The following PRMT8 variants were observed in gnomAD, a reference collection of about 807,000 sequenced individuals.
PRMT8 encodes protein arginine N-methyltransferase 8.
PRMT8 carries 7 observed loss-of-function variants against 47.1 expected under a neutral mutation model. The observed-to-expected ratio is 0.15, with a 90% CI of 0.08 to 0.28. PRMT8 has a LOEUF of 0.28. PRMT8 is among the 10% of genes least tolerant of loss of function. PRMT8 has a pLI of 1.00. For missense variants in PRMT8, 237 were observed against 505.4 expected, an observed-to-expected ratio of 0.47 and a Z score of 5.09; for synonymous variants, 188 against 186.5, an observed-to-expected ratio of 1.01 and a Z score of -0.07.
At chr12:3,408,145 C>G (rs769656505) in intron 1 of PRMT8, among the ~76,000 whole-genome samples, 6 of 150,760 alleles carry the variant, frequency 4.0e-5, no homozygotes, top group Non-Finnish European at 8.9e-5. Flanking sequence ...CTCTCCCTCC[C>G]TCTCTTTCTC....
chr12:3,589,596 C>A (rs193262401), intron 8 of PRMT8, among the ~76,000 whole-genome samples: 1 of 152,306 alleles, frequency 6.6e-6, no homozygotes, highest in African/African-American at 2.4e-5. Context: ...GACTTTTACT[C>A]AGCTTCTCCT....
chr12:3,395,866 T>C (rs1210919816), intron 1 of PRMT8, among the ~76,000 whole-genome samples: 1 of 152,146 alleles, frequency 6.6e-6, no homozygotes, highest in East Asian at 1.9e-4. Flanking sequence ...TGTAGGTCAC[T>C]CAGGACTTGC....
intron 1 of PRMT8, among the ~76,000 whole-genome samples, chr12:3,385,469 T>C (rs949214926): frequency 3.3e-5 from 5 of 152,206 alleles, no homozygotes; most frequent in Admixed American, 6.5e-5. Context: ...AGAGGGAAGA[T>C]GAATGCATTT....
chr12:3,530,743 C>G (rs56127992), intron 1 of PRMT8, among the ~76,000 whole-genome samples: 26,262 of 152,102 alleles, frequency 0.17, 2,504 homozygotes, highest in East Asian at 0.35. Context: ...TCCTGTGCCA[C>G]GAAAGGCCCA....
At chr12:3,530,913 T>C (rs936286074) in intron 1 of PRMT8, among the ~76,000 whole-genome samples, 2 of 152,130 alleles carry the variant, frequency 1.3e-5, no homozygotes, top group Non-Finnish European at 2.9e-5. Flanking sequence ...CAGAAAATCA[T>C]TGCCATTTGG....
At position 3,456,055 on chromosome 12, in the gene PRMT8, C is replaced by T. The variant is rs1415192048; in HGVS notation, c.48+74613C>T. On this transcript the variant is annotated intron_variant, in intron 1 of 9. Transcript: ENST00000452611. This position sits in a 1 kb window ranked among gnomAD's most constrained non-coding sequence, Gnocchi z 4.2. ...TGTAAAATGAGGATAGTAAGTCACA[C>T]CTCACAGGGAAACTGAGGCTGACGC... 6.6e-6 allele frequency among the ~76,000 whole-genome samples: 1 copy of T among 152,216 alleles called. No individual in the cohort carries two copies. The highest frequency in any genetic ancestry group is 2.1e-4 in the South Asian group (1 of 4,824).
chr12:3,553,175 G>C, intron 3 of PRMT8: 1 of 212,310 alleles, frequency 4.7e-6, no homozygotes, highest in Non-Finnish European at 9.5e-6. Flanking sequence ...CCAGCCCTGA[G>C]GTCTTGACCT....
intron 1 of PRMT8, among the ~76,000 whole-genome samples, chr12:3,422,296 A>G (rs1415397049): frequency 3.3e-5 from 5 of 152,216 alleles, no homozygotes; most frequent in Non-Finnish European, 4.4e-5. Flanking sequence ...TAGGAGGACA[A>G]GCATGGGTTT....
Position 3,491,708 on chromosome 12 carries a change from G to A in PRMT8, c.75+8G>A, listed in dbSNP as rs1162108373. Reference sequence around the variant, plus strand: ...GCGGCCGAGAGCACCGAGGTAAGGAGGCGAGCGAGCAGGGGCTCTCGGAGA... The same window carrying A: ...GCGGCCGAGAGCACCGAGGTAAGGAAGCGAGCGAGCAGGGGCTCTCGGAGA... On this transcript the variant is annotated splice_region_variant and intron_variant, in intron 1 of 9. Transcript: ENST00000382622. The A allele has an allele frequency of 1.9e-6, 3 of 1,606,012 alleles. No homozygotes were observed. Among genetic ancestry groups the A allele is most frequent in the East Asian group, 2.2e-5 (1 of 44,646 alleles).
In PRMT8 at chr12:3,538,507, G is replaced by T. The variant is rs1158582595; in HGVS notation, c.76-2099G>T. 9.3e-6 allele frequency: 4 copies of T among 430,124 alleles called. No homozygotes were observed. The highest frequency in any genetic ancestry group is 6.1e-5 in the African/African-American group (3 of 49,416). 26.6% of individuals were successfully genotyped at this position (430,124 alleles called of 1,614,324 possible). On this transcript the variant is annotated intron_variant, in intron 1 of 9. Transcript: ENST00000382622. The surrounding 1 kb of genome is among the most constrained non-coding windows in gnomAD (Gnocchi z 4.6). ...CACTCCCAGCCTCCGGGGAGTCTTAGCCTGTGGAGTCCCAGGAAGCACATG... is the reference window on the plus strand; with the variant it reads ...CACTCCCAGCCTCCGGGGAGTCTTATCCTGTGGAGTCCCAGGAAGCACATG...
At chr12:3,427,409 T>G (rs1248045179) in intron 1 of PRMT8, among the ~76,000 whole-genome samples, 4 of 152,198 alleles carry the variant, frequency 2.6e-5, no homozygotes, top group African/African-American at 9.6e-5. Flanking sequence ...ATGATACCCC[T>G]TTAACTTTAG....
At position 3,580,385 on chromosome 12, in the gene PRMT8, A is replaced by C. The variant is rs1308597475; in HGVS notation, c.829-2673A>C. On this transcript the variant is annotated intron_variant, in intron 7 of 9. Coordinates refer to ENST00000382622, the MANE Select transcript of PRMT8 (RefSeq NM_019854.5). This position sits in a 1 kb window ranked among gnomAD's most constrained non-coding sequence, Gnocchi z 4.6. ...GTGTGTGTACGCGTGCGCATGCGGG[A>C]TAGAAGGAGAAAGTAACCACGTCTA... Among the ~76,000 whole-genome samples the C allele has an allele frequency of 6.6e-6, 1 of 150,566 alleles. No homozygotes were observed. The highest frequency in any genetic ancestry group is 2.0e-4 in the East Asian group (1 of 5,126).
In PRMT8 at chr12:3,579,592, G is replaced by A. The variant is rs978925859; in HGVS notation, c.828+2606G>A. On this transcript the variant is annotated intron_variant, in intron 7 of 9. Transcript: ENST00000382622. Reference sequence around the variant, plus strand: ...CCTCTGTGTTCCTGAGAAGGATGACGATTGTCTGTGTTTGCTTCTGCTTCC... The same window carrying A: ...CCTCTGTGTTCCTGAGAAGGATGACAATTGTCTGTGTTTGCTTCTGCTTCC... Among the ~76,000 whole-genome samples the A allele has an allele frequency of 2.0e-5, 3 of 152,242 alleles. No homozygotes were observed. The East Asian group carries it at 5.8e-4, about 29-fold the overall frequency.
At chr12:3,452,422 G>A (rs1864929315) in intron 1 of PRMT8, among the ~76,000 whole-genome samples, 1 of 152,082 alleles carries the variant, frequency 6.6e-6, no homozygotes, top group South Asian at 2.1e-4. Context: ...TGGAACTTGA[G>A]AATTATTTCT....
chr12:3,508,414 C>T lies in PRMT8; in HGVS notation c.75+16714C>T, dbSNP rs1385734435. On this transcript the variant is annotated intron_variant, in intron 1 of 9. Transcript: ENST00000382622. The surrounding 1 kb of genome is among the most constrained non-coding windows in gnomAD (Gnocchi z 4.9). ...AGACATGAGGTACAAGTTTAATTAC[C>T]GGCCTGGAGCTTCTGAGCTACACAC... 6.6e-6 allele frequency among the ~76,000 whole-genome samples: 1 copy of T among 152,078 alleles called. No individual in the cohort carries two copies. Among genetic ancestry groups the T allele is most frequent in the East Asian group, 1.9e-4 (1 of 5,196 alleles).
At chr12:3,590,249 C>G (rs916796258) in intron 8 of PRMT8, among the ~76,000 whole-genome samples, 4 of 152,190 alleles carry the variant, frequency 2.6e-5, no homozygotes, top group Non-Finnish European at 5.9e-5. Context: ...CTACTTGAGT[C>G]TCTCTCCAAA....
chr12:3,585,373 C>G (rs1418676487), intron 8 of PRMT8, among the ~76,000 whole-genome samples: 2 of 4,462 alleles, frequency 4.5e-4, no homozygotes, highest in African/African-American at 1.4e-3. Flanking sequence ...TTTTTTTTTT[C>G]TCAGAGACAA....
At chr12:3,530,117 T>C (rs1042717551) in intron 1 of PRMT8, among the ~76,000 whole-genome samples, 6 of 152,180 alleles carry the variant, frequency 3.9e-5, no homozygotes, top group Non-Finnish European at 5.9e-5. Flanking sequence ...CACTGAACCC[T>C]CCAAAGAGTA....
At chr12:3,402,440 CA>C (rs1864326993) in intron 1 of PRMT8, among the ~76,000 whole-genome samples, 1 of 152,094 alleles carries the variant, frequency 6.6e-6, no homozygotes, top group South Asian at 2.1e-4. Context: ...ATGAAAATGC[CA>C]AAAGCAATTG....
Sources: allele counts gnomAD v4.1 joint callset (sites outside exome capture counted in the v4.1 genomes callset), GRCh38; gene constraint gnomAD v4.1.1; non-coding constraint Gnocchi (gnomAD v3.1); transcripts MANE v1.5; gene names NCBI Gene and HGNC (gene_info 2026-07-23, HGNC 2026-07-21).